The following POLR3B variants were observed in gnomAD, a reference collection of about 807,000 sequenced individuals.
POLR3B encodes the protein DNA-directed RNA polymerase III subunit RPC2.
POLR3B carries 96 observed loss-of-function variants against 147.4 expected under a neutral mutation model. That is an observed-to-expected ratio of 0.65 (90% confidence interval 0.55 to 0.77). The LOEUF is 0.77. Ranked by LOEUF, POLR3B falls within the 30% of genes least tolerant of loss-of-function variation. POLR3B has a pLI of 0.00. For synonymous variants in POLR3B, 461 were observed against 485.9 expected (o/e 0.95, Z 0.67); for missense variants, 1,036 against 1,413.5 (o/e 0.73, Z 4.28).
intron 23 of POLR3B, among the ~76,000 whole-genome samples, chr12:106,482,596 C>T (rs889877958): frequency 1.3e-5 from 2 of 152,176 alleles, no homozygotes; most frequent in Admixed American, 6.5e-5. Context: ...GGGGAATCCA[C>T]CTCATGATCC....
chr12:106,370,772 T>C (rs756878884), intron 6 of POLR3B, among the ~76,000 whole-genome samples: 3 of 151,868 alleles, frequency 2.0e-5, no homozygotes, highest in African/African-American at 4.8e-5. Flanking sequence ...GCTGGGATTA[T>C]AGGCGTGTGC....
Position 106,437,692 on chromosome 12 carries a change from A to G in POLR3B, c.1868A>G (p.Asp623Gly). ...ELAQGYRNFE[D>G]FLHESLVEYL... ...CAATATTTTCCCAGGAATTTTGAAG[A>G]TTTCTTACATGAGAGTCTGGTTGAA... Residue 623 changes from aspartate to glycine, a missense_variant, in exon 18 of 28, where the codon GAT (aspartate) becomes GGT (glycine). By Grantham distance (94) the Asp-to-Gly change is moderately conservative. Around this residue, in one of 12 missense-constraint regions of POLR3B, gnomAD observed 177 missense variants for 232.7 expected, o/e 0.76. Transcript: ENST00000228347. The G allele has an allele frequency of 6.3e-7, 1 of 1,589,574 alleles. No individual in the cohort carries two copies. Among genetic ancestry groups the G allele is most frequent in the Non-Finnish European group, 8.6e-7 (1 of 1,157,942 alleles).
chr12:106,477,891 C>CT (rs34915594), intron 23 of POLR3B, among the ~76,000 whole-genome samples: 9,736 of 69,882 alleles, frequency 0.14, 2,018 homozygotes, highest in Non-Finnish European at 0.18. Context: ...GGCTCCTCCC[C>CT]TTTTTTTTTT....
At chr12:106,485,398 C>T (rs981441665) in intron 23 of POLR3B, among the ~76,000 whole-genome samples, 4 of 152,038 alleles carry the variant, frequency 2.6e-5, no homozygotes, top group South Asian at 2.1e-4. Context: ...AAAGGAGTGA[C>T]GAGATCTAAC....
rs372059822 is a variant in POLR3B at position 106,496,877 on chromosome 12, T to C, written c.2943T>C (p.Tyr981=). The change falls in exon 25 of 28, where the codon TAT becomes TAC. Residue 981 remains tyrosine (Y), a synonymous_variant. Transcript: ENST00000228347. ...DVCEDLVRHG[Y]NYLGKDYVTS... is the part of the protein sequence containing the mutation. ...GTGAGGACCTCGTTCGCCATGGTTA[T>C]AACTACTTGGGGAAAGACTATGTTA... 1.4e-5 allele frequency: 23 copies of C among 1,613,986 alleles called. No individual in the cohort carries two copies. In the African/African-American group the frequency reaches 1.7e-4, roughly 12 times the overall value.
intron 12 of POLR3B, among the ~76,000 whole-genome samples, chr12:106,418,514 A>C (rs565416206): frequency 2.1e-3 from 313 of 152,364 alleles, no homozygotes; most frequent in African/African-American, 7.0e-3. Flanking sequence ...TAGCAATCTC[A>C]AGACGCCTAA....
At chr12:106,410,053 C>T (rs757746360) in intron 11 of POLR3B, among the ~76,000 whole-genome samples, 9 of 152,138 alleles carry the variant, frequency 5.9e-5, no homozygotes, top group Non-Finnish European at 1.2e-4. Context: ...TTCATTCATT[C>T]GGCAGTTATT....
At chr12:106,443,373 A>G (rs553453088) in intron 18 of POLR3B, among the ~76,000 whole-genome samples, 30 of 152,322 alleles carry the variant, frequency 2.0e-4, no homozygotes, top group Admixed American at 8.5e-4. Context: ...TTAAATTTCA[A>G]TTTGAGTTTT....
At chr12:106,366,920 A>G (rs913695295) in intron 4 of POLR3B, among the ~76,000 whole-genome samples, 198 bp downstream of exon 4, 3 of 152,200 alleles carry the variant, frequency 2.0e-5, no homozygotes, top group Non-Finnish European at 4.4e-5. Context: ...CCTGGCCAAC[A>G]TGGTGAAACC....
At chr12:106,432,136 T>A (rs529136584) in intron 14 of POLR3B, among the ~76,000 whole-genome samples, 182 bp from the exon 15 acceptor site, 1 of 152,288 alleles carries the variant, frequency 6.6e-6, no homozygotes, top group Admixed American at 6.5e-5. Flanking sequence ...TGAAGAGAAA[T>A]TCCCCTGAGT....
At position 106,457,273 on chromosome 12, in the gene POLR3B, A is replaced by C. The variant is rs1199059884; in HGVS notation, c.2429A>C (p.Asp810Ala). 6.2e-7 allele frequency: 1 copy of C among 1,613,660 alleles called. No homozygotes were observed. Among genetic ancestry groups the C allele is most frequent in the East Asian group, 2.2e-5 (1 of 44,888 alleles). The stretch of plus-strand genomic sequence containing the variant: ...CCTATCTGGCGACATGAAATCTTAG[A>C]TGCAGATGGTATTTGTTCTCCAGGT... ...RKPIWRHEILDADGICSPGEK... is the reference protein window; with the variant it reads ...RKPIWRHEILAADGICSPGEK... Residue 810 changes from aspartate to alanine, a missense_variant, in exon 21 of 28, where the codon GAT (aspartate) becomes GCT (alanine). By Grantham distance (126) the Asp-to-Ala change is moderately radical (BLOSUM62 -2). Transcript: ENST00000228347.
rs56756383 is a variant in POLR3B, at chr12:106,419,794, C to CTTTT, written c.1102-7385_1102-7382dup. Among the ~76,000 whole-genome samples the CTTTT allele has an allele frequency of 1.1e-3, 95 of 88,912 alleles. 3 individuals are homozygous for CTTTT. The highest frequency in any genetic ancestry group is 1.3e-3 in the African/African-American group (32 of 23,998). 58.3% of individuals were successfully genotyped at this position (88,912 alleles called of 152,430 possible). A position where few individuals can be genotyped will look rare whatever the true frequency, so the allele number is the denominator to read the frequency against. On this transcript the variant is annotated intron_variant, in intron 12 of 27. Coordinates refer to ENST00000228347, the MANE Select transcript of POLR3B (RefSeq NM_018082.6). ...ATAGTGAGCCAGATATTTAGTTTTG[C>CTTTT]TTTTTTTTTTTTTTTTTTTTTAATG...
In POLR3B at chr12:106,433,693, CT is replaced by C. The variant is rs1428966507; in HGVS notation, c.1628-24del. 1.9e-6 allele frequency: 3 copies of C among 1,599,328 alleles called. No individual in the cohort carries two copies. In the African/African-American group the frequency reaches 4.0e-5, roughly 21 times the overall value. ...GGTTGCATTTATTTTTTATTTCTGT[CT>C]TACCTGTTCTTTCTTTTTGCCTAGG... On this transcript the variant is annotated intron_variant, in intron 15 of 27. Transcript: ENST00000228347.
intron 21 of POLR3B, 56 bp from the exon 22 acceptor site, chr12:106,459,195 C>A: frequency 9.9e-7 from 1 of 1,005,598 alleles, no homozygotes; most frequent in Non-Finnish European, 1.6e-6. Flanking sequence ...AGTTCGTAAT[C>A]TTTGTATTCC....
intron 22 of POLR3B, among the ~76,000 whole-genome samples, chr12:106,462,922 A>G (rs777257223): frequency 6.6e-6 from 1 of 151,858 alleles, no homozygotes; most frequent in Non-Finnish European, 1.5e-5. Context: ...CCTGTTCTTC[A>G]TACCAGATAC....
intron 19 of POLR3B, among the ~76,000 whole-genome samples, chr12:106,450,247 C>A (rs566345433): frequency 2.0e-5 from 3 of 152,140 alleles, no homozygotes; most frequent in African/African-American, 7.2e-5. Context: ...ATATTATAGC[C>A]CTAAATGTAA....
At chr12:106,448,109 A>G (rs1371836369) in intron 19 of POLR3B, among the ~76,000 whole-genome samples, 1 of 152,182 alleles carries the variant, frequency 6.6e-6, no homozygotes, top group East Asian at 1.9e-4. Flanking sequence ...AATGCAAAAA[A>G]TGTTCTGGCC....
chr12:106,405,725 A>C, intron 10 of POLR3B, 132 bp from the exon 11 acceptor site: 1 of 835,098 alleles, frequency 1.2e-6, no homozygotes, highest in Non-Finnish European at 2.0e-6. Context: ...TTGATTTTCA[A>C]CTAGACCCAG....
chr12:106,502,669 T>G (rs576502212), intron 26 of POLR3B, among the ~76,000 whole-genome samples: 114 of 152,214 alleles, frequency 7.5e-4, no homozygotes, highest in Middle Eastern at 3.4e-3. Flanking sequence ...TTTGACCATT[T>G]AAAACTGAGC....
Sources: gnomAD v4.1 joint callset for allele counts (sites outside exome capture counted in the v4.1 genomes callset) on GRCh38, gnomAD v4.1.1 for gene constraint, gnomAD v4.1.1 regional missense constraint, MANE v1.5 for transcripts, NCBI Gene and HGNC (gene_info 2026-07-23, HGNC 2026-07-21) for gene names.